RPH3A: variants seen among roughly 807,000 people sequenced by gnomAD.
RPH3A encodes the protein rabphilin 3A.
In RPH3A, 48 loss-of-function variants were observed where a neutral mutation model predicts 102.2. The observed-to-expected ratio is 0.47, with a 90% confidence interval of 0.37 to 0.60. The LOEUF (loss-of-function observed/expected upper bound fraction) is 0.60. RPH3A is among the 20% of genes least tolerant of loss of function. The pLI is 0.00. For missense variants in RPH3A, 781 were observed against 910.1 expected (o/e 0.86, Z 1.83); for synonymous variants, 310 against 324.3 (o/e 0.96, Z 0.47).
intron 1 of RPH3A, among the ~76,000 whole-genome samples, chr12:112,781,553 T>A (rs1190804913): frequency 1.3e-5 from 2 of 152,166 alleles, no homozygotes; most frequent in African/African-American, 4.8e-5. Context: ...TTCTCTCTAT[T>A]CAGTTTCTTT....
At chr12:112,846,729 T>C (rs1178428091) in intron 4 of RPH3A, among the ~76,000 whole-genome samples, 1 of 152,182 alleles carries the variant, frequency 6.6e-6, no homozygotes, top group Non-Finnish European at 1.5e-5. Flanking sequence ...TCCACTCCAG[T>C]GATGCATCTC....
chr12:112,659,142 A>G (rs2040033295), intron 1 of RPH3A, among the ~76,000 whole-genome samples: 1 of 152,142 alleles, frequency 6.6e-6, no homozygotes, highest in South Asian at 2.1e-4. Context: ...GAAATACTTT[A>G]GTGTTTATGT....
At chr12:112,686,266 G>A (rs2136019144) in intron 1 of RPH3A, among the ~76,000 whole-genome samples, 1 of 152,224 alleles carries the variant, frequency 6.6e-6, no homozygotes, top group South Asian at 2.1e-4. Context: ...AGATAATGGA[G>A]TTTTCCCCCT....
intron 1 of RPH3A, among the ~76,000 whole-genome samples, chr12:112,740,149 C>T (rs770458410): frequency 1.3e-5 from 2 of 152,018 alleles, no homozygotes; most frequent in African/African-American, 2.4e-5. Flanking sequence ...TTCTTTTAGC[C>T]TTGATTTCCC....
At chr12:112,701,522 A>G (rs1051572803) in intron 1 of RPH3A, among the ~76,000 whole-genome samples, 1 of 152,260 alleles carries the variant, frequency 6.6e-6, no homozygotes, top group Non-Finnish European at 1.5e-5. Context: ...ATCCTATGAC[A>G]GAAGGCACTG....
intron 1 of RPH3A, among the ~76,000 whole-genome samples, chr12:112,716,193 C>T (rs550157027): frequency 3.3e-5 from 5 of 152,308 alleles, no homozygotes; most frequent in Non-Finnish European, 7.4e-5. Context: ...TGACCTGTAT[C>T]TTGTGTTGAC....
At chr12:112,874,990 G>T (rs1050271281) in intron 10 of RPH3A, 94 bp from the exon 11 acceptor site, 2 of 1,022,846 alleles carry the variant, frequency 2.0e-6, no homozygotes, top group Non-Finnish European at 2.8e-6. Context: ...AGTCCAAGGG[G>T]CTCACCCCAC....
intron 1 of RPH3A, among the ~76,000 whole-genome samples, chr12:112,612,908 A>G (rs2039650128): frequency 1.3e-5 from 2 of 152,030 alleles, no homozygotes; most frequent in African/African-American, 4.8e-5. Context: ...AGGATATCCA[A>G]GGTGAAGTCC....
At chr12:112,787,938 C>A (rs1408924264), upstream of RPH3A, among the ~76,000 whole-genome samples, 1 of 152,182 alleles carries the variant, frequency 6.6e-6, no homozygotes, top group African/African-American at 2.4e-5. Flanking sequence ...TGCTGAATTG[C>A]GGCCTGAGGA....
chr12:112,875,861 A>T, intron 12 of RPH3A, 120 bp downstream of exon 12: 1 of 743,858 alleles, frequency 1.3e-6, no homozygotes, highest in Non-Finnish European at 2.2e-6. Flanking sequence ...GTCTGATGAG[A>T]TCTAAACAGC....
intron 13 of RPH3A, among the ~76,000 whole-genome samples, chr12:112,878,204 T>C (rs953632888): frequency 1.3e-5 from 2 of 152,328 alleles, no homozygotes; most frequent in Non-Finnish European, 2.9e-5. Flanking sequence ...GAAAATGCCC[T>C]GTCTATGCAC....
At chr12:112,879,041 CAT>C in intron 13 of RPH3A, 76 bp from the exon 14 acceptor site, 2 of 1,261,772 alleles carry the variant, frequency 1.6e-6, no homozygotes, top group Non-Finnish European at 2.3e-6. Flanking sequence ...CCAGCCTGGG[CAT>C]ATAGTAAGTG....
At chr12:112,706,775 A>G (rs943055839) in intron 1 of RPH3A, among the ~76,000 whole-genome samples, 4 of 152,232 alleles carry the variant, frequency 2.6e-5, no homozygotes, top group African/African-American at 7.2e-5. Context: ...TCAATTTTAT[A>G]TAGAGAGATA....
At position 112,734,801 on chromosome 12, in the gene RPH3A, G is replaced by A. The variant is rs151313449; in HGVS notation, c.-139-57342G>A. Among the ~76,000 whole-genome samples, 745 of 152,276 alleles carry A rather than the reference G, an allele frequency of 4.9e-3. 4 individuals carry two copies. Among genetic ancestry groups the A allele is most frequent in the African/African-American group, 0.016 (670 of 41,548 alleles). ...AAACTGTCATGACACTGGTGGGAGTGTCTCTTAGTATGCTAATCCATTATA... is the reference window on the plus strand; with the variant it reads ...AAACTGTCATGACACTGGTGGGAGTATCTCTTAGTATGCTAATCCATTATA... On this transcript the variant is annotated intron_variant, in intron 1 of 21. Coordinates refer to the RPH3A transcript ENST00000543106.
intron 1 of RPH3A, among the ~76,000 whole-genome samples, chr12:112,716,760 T>C (rs1026724670): frequency 6.6e-6 from 1 of 152,212 alleles, no homozygotes; most frequent in African/African-American, 2.4e-5. Flanking sequence ...AGGAAAGATG[T>C]TGGGGGACAA....
At position 112,883,329 on chromosome 12, in the gene RPH3A, C is replaced by G. The variant is rs760257914; in HGVS notation, c.1363C>G (p.Arg455Gly). Residue 455 changes from arginine to glycine, a missense_variant, in exon 16 of 22, where the codon CGG becomes GGG. By Grantham distance (125) the Arg-to-Gly change is moderately radical. This residue lies in a region of RPH3A where 730 missense variants were observed against 810.0 expected (regional missense o/e 0.90). Coordinates refer to ENST00000389385, the MANE Select transcript of RPH3A (RefSeq NM_001143854.2). ...KLRTKTLRNT[R>G]NPIWNETLVY... ...TCGTACAAAAACTCTGCGGAATACC[C>G]GGAACCCCATCTGGAATGAGACCCT... The G allele has an allele frequency of 6.2e-7, 1 of 1,614,122 alleles. No homozygotes were observed. The highest frequency in any genetic ancestry group is 1.7e-5 in the Admixed American group (1 of 60,018).
chr12:112,878,293 C>T (rs886407239), intron 13 of RPH3A, among the ~76,000 whole-genome samples: 1 of 152,138 alleles, frequency 6.6e-6, no homozygotes, highest in Non-Finnish European at 1.5e-5. Context: ...TGTCCCCAAC[C>T]CACCAAGCAT....
intron 2 of RPH3A, among the ~76,000 whole-genome samples, chr12:112,793,167 G>T (rs1161181306): frequency 6.6e-6 from 1 of 152,122 alleles, no homozygotes; most frequent in African/African-American, 2.4e-5. Flanking sequence ...GTTAGTGAGT[G>T]GGAAGTGGAA....
chr12:112,837,553 C>T (rs972504002), intron 4 of RPH3A, among the ~76,000 whole-genome samples: 1 of 152,164 alleles, frequency 6.6e-6, no homozygotes, highest in Non-Finnish European at 1.5e-5. Context: ...TCAGTTTCTC[C>T]ATCTGTCAGG....
Sources: gnomAD v4.1 joint callset for allele counts (sites outside exome capture counted in the v4.1 genomes callset) on GRCh38, gnomAD v4.1.1 for gene constraint, gnomAD v4.1.1 regional missense constraint, MANE v1.5 for transcripts, NCBI Gene and HGNC (gene_info 2026-07-23, HGNC 2026-07-21) for gene names.